CHUK: variants seen among roughly 807,000 people sequenced by gnomAD.
The protein encoded by CHUK is component of inhibitor of nuclear factor kappa B kinase complex, also known as inhibitor of nuclear factor kappa-B kinase subunit alpha.
Under a neutral mutation model 104.8 loss-of-function variants are expected in CHUK, and 35 were observed. The ratio of observed to expected loss-of-function variants is 0.33; its 90% CI spans 0.26 to 0.44. The LOEUF (loss-of-function observed/expected upper bound fraction) is 0.44, where lower values mean the gene tolerates loss of function less well. Among genes scored for constraint, CHUK ranks in the 20% least tolerant of loss-of-function variants. CHUK has a pLI of 1.00. For synonymous variants in CHUK, 276 were observed against 291.9 expected (o/e 0.95, Z 0.56); for missense variants, 663 against 902.7 (o/e 0.73, Z 3.40).
chr10:100,209,187 C>T (rs1298884204), intron 10 of CHUK, among the ~76,000 whole-genome samples: 2 of 152,158 alleles, frequency 1.3e-5, no homozygotes, highest in Non-Finnish European at 1.5e-5. Flanking sequence ...AGACATATAG[C>T]TTAGAAGATA....
chr10:100,196,898 C>G (rs1181350863), intron 16 of CHUK, among the ~76,000 whole-genome samples: 1 of 152,166 alleles, frequency 6.6e-6, no homozygotes, highest in Non-Finnish European at 1.5e-5. Context: ...TATCTGTATC[C>G]ACACTCATTC....
chr10:100,198,329 C>T (rs1024265002), intron 16 of CHUK, among the ~76,000 whole-genome samples: 7 of 152,148 alleles, frequency 4.6e-5, no homozygotes, highest in African/African-American at 1.7e-4. Context: ...CATTTCATCA[C>T]ACAAAATATT....
chr10:100,203,210 A>C (rs181548442), intron 13 of CHUK, among the ~76,000 whole-genome samples: 307 of 152,308 alleles, frequency 2.0e-3, no homozygotes, highest in African/African-American at 7.2e-3. Flanking sequence ...CTGCTCCCTC[A>C]CAAGTGAAAA....
chr10:100,189,726 ATC>A, intron 20 of CHUK, 99 bp from the exon 21 acceptor site: 2 of 816,870 alleles, frequency 2.4e-6, no homozygotes, highest in Non-Finnish European at 2.1e-6. Flanking sequence ...ACATTTCATA[ATC>A]AAAAGTTGAA....
At chr10:100,217,694 T>C (rs967932025) in intron 9 of CHUK, among the ~76,000 whole-genome samples, 1 of 152,146 alleles carries the variant, frequency 6.6e-6, no homozygotes, top group Admixed American at 6.5e-5. Context: ...CTGGACAACA[T>C]AGCGAAACCC....
intron 1 of CHUK, among the ~76,000 whole-genome samples, chr10:100,227,661 T>A (rs1846135863): frequency 6.6e-6 from 1 of 151,996 alleles, no homozygotes; most frequent in Non-Finnish European, 1.5e-5. Flanking sequence ...CCATTCTCTT[T>A]CTCCAAGATT....
intron 16 of CHUK, among the ~76,000 whole-genome samples, chr10:100,199,269 C>T (rs1485321157): frequency 6.6e-6 from 1 of 152,144 alleles, no homozygotes; most frequent in Non-Finnish European, 1.5e-5. Context: ...CACAGGCCTT[C>T]CCTCTAACCA....
At chr10:100,225,820 C>T in intron 2 of CHUK, 103 bp downstream of exon 2, 2 of 723,248 alleles carry the variant, frequency 2.8e-6, no homozygotes, top group African/African-American at 1.8e-5. Context: ...AATATATGTT[C>T]CCAAAAAGAT....
chr10:100,215,984 C>G (rs547510167), intron 9 of CHUK, among the ~76,000 whole-genome samples: 1 of 152,176 alleles, frequency 6.6e-6, no homozygotes, highest in Non-Finnish European at 1.5e-5. Flanking sequence ...ATACCTTATT[C>G]TGCATAACCT....
At chr10:100,204,468 C>G in intron 13 of CHUK, 38 bp downstream of exon 13, 1 of 1,589,768 alleles carries the variant, frequency 6.3e-7, no homozygotes, top group South Asian at 1.1e-5. Context: ...CTTCAAGAAA[C>G]CAGATGCTCC....
At chr10:100,195,551 T>C (rs1845306302) in intron 16 of CHUK, 1 of 152,284 alleles carries the variant, frequency 6.6e-6, no homozygotes, top group South Asian at 2.1e-4. Context: ...CATTCCTTCC[T>C]AAATACCATG....
chr10:100,226,974 T>G (rs1173932057), intron 1 of CHUK, among the ~76,000 whole-genome samples: 6 of 152,186 alleles, frequency 3.9e-5, no homozygotes, highest in African/African-American at 1.4e-4. Context: ...ATAGACTGCA[T>G]GCTAGCCTAC....
At chr10:100,199,055 G>A (rs907092438) in intron 16 of CHUK, among the ~76,000 whole-genome samples, 6 of 152,146 alleles carry the variant, frequency 3.9e-5, no homozygotes, top group East Asian at 1.9e-4. Flanking sequence ...AATGGGAAAC[G>A]CAGATTTGCC....
Position 100,189,537 on chromosome 10 carries a change from A to G in CHUK, c.*61T>C. The stretch of plus-strand genomic sequence containing the variant: ...AAGAATGGTTTCATGGGGGAAAAAC[A>G]CATTTCCAACATGTATAGCAACAAC... On this transcript the variant is annotated 3_prime_UTR_variant, in exon 21 of 21. Coordinates refer to ENST00000370397, the MANE Select transcript of CHUK (RefSeq NM_001278.5). 7.3e-7 allele frequency: 1 copy of G among 1,376,352 alleles called. No homozygotes were observed. The highest frequency in any genetic ancestry group is 1.0e-6 in the Non-Finnish European group (1 of 962,978). 85.3% of individuals were successfully genotyped at this position (1,376,352 alleles called of 1,614,324 possible).
At chr10:100,218,669 A>G in intron 8 of CHUK, 49 bp downstream of exon 8, 5 of 1,198,186 alleles carry the variant, frequency 4.2e-6, no homozygotes, top group Non-Finnish European at 6.2e-6. Flanking sequence ...CTGCTCCTTT[A>G]CAACTCTGGA....
At chr10:100,222,581 A>C (rs1846015607) in intron 3 of CHUK, among the ~76,000 whole-genome samples, 13 of 152,180 alleles carry the variant, frequency 8.5e-5, no homozygotes, top group Admixed American at 8.5e-4. Flanking sequence ...GCATTTTCTA[A>C]ATCAGGAGTC....
chr10:100,189,380 C>G lies in CHUK; in HGVS notation c.*218G>C. Reference sequence around the variant, plus strand: ...ACAAATATTCAAACAAGTACATTGACTTTTTCTAAATTCCTGTCTGTTTAG... The same window carrying G: ...ACAAATATTCAAACAAGTACATTGAGTTTTTCTAAATTCCTGTCTGTTTAG... On this transcript the variant is annotated 3_prime_UTR_variant, in exon 21 of 21. Transcript: ENST00000370397. 3 of 533,984 alleles carry G rather than the reference C, an allele frequency of 5.6e-6. No homozygotes were observed. The allele number at this position is 533,984 out of a possible 1,614,324, so 33.1% of individuals were successfully genotyped here.
chr10:100,226,921 GAGATA>G (rs1846118848), intron 1 of CHUK, among the ~76,000 whole-genome samples: 1 of 152,146 alleles, frequency 6.6e-6, no homozygotes, highest in Admixed American at 6.5e-5. Context: ...AAAGAAGCTA[GAGATA>G]AGATGATACC....
chr10:100,220,689 T>A lies in CHUK; in HGVS notation c.386-13A>T. 1.3e-6 allele frequency: 2 copies of A among 1,551,074 alleles called. No homozygotes were observed. Among genetic ancestry groups the A allele is most frequent in the Middle Eastern group, 1.7e-4 (1 of 5,936 alleles). On this transcript the variant is annotated splice_polypyrimidine_tract_variant and intron_variant, in intron 4 of 20. Transcript: ENST00000370397. The stretch of plus-strand genomic sequence containing the variant: ...CGAATCCCAGACCCTAAATAAAGTT[T>A]AAAATATACTTTAAAGTAACAGAAA...
Sources: allele counts gnomAD v4.1 joint callset (sites outside exome capture counted in the v4.1 genomes callset), GRCh38; gene constraint gnomAD v4.1.1; transcripts MANE v1.5; gene names NCBI Gene and HGNC (gene_info 2026-07-23, HGNC 2026-07-21).